AGBL1: variants seen among roughly 807,000 people sequenced by gnomAD.
AGBL1 encodes the protein AGBL carboxypeptidase 1, also known as cytosolic carboxypeptidase 4.
A neutral mutation model predicts 118.9 loss-of-function variants in AGBL1; 130 were observed. That is an observed-to-expected ratio of 1.09 (90% CI 0.95 to 1.26). The LOEUF (loss-of-function observed/expected upper bound fraction) is 1.26, where lower values mean the gene tolerates loss of function less well. Ranked by LOEUF, AGBL1 falls within the 50% of genes most tolerant of loss-of-function variation. The pLI is 0.00. For synonymous variants in AGBL1, 555 were observed against 478.9 expected, an observed-to-expected ratio of 1.16 and a Z score of -2.08; for missense variants, 1,584 against 1,298.1, an observed-to-expected ratio of 1.22 and a Z score of -3.38.
chr15:86,514,564 C>G (rs1417300795), intron 18 of AGBL1, among the ~76,000 whole-genome samples: 4 of 151,952 alleles, frequency 2.6e-5, no homozygotes, highest in Non-Finnish European at 4.4e-5. Context: ...CTCCATGGCT[C>G]TTGTGTTTGA....
At chr15:86,630,740 A>G (rs1413093933) in intron 21 of AGBL1, 1 of 152,206 alleles carries the variant, frequency 6.6e-6, no homozygotes, top group African/African-American at 2.4e-5. Flanking sequence ...CAACATAGCT[A>G]TTTTTTTCCA....
intron 22 of AGBL1, among the ~76,000 whole-genome samples, chr15:86,699,888 A>C (rs2086326363): frequency 6.6e-6 from 1 of 152,066 alleles, no homozygotes; most frequent in Non-Finnish European, 1.5e-5. Flanking sequence ...TTTTAAAATT[A>C]TGCACCTACC....
intron 20 of AGBL1, among the ~76,000 whole-genome samples, chr15:86,552,161 A>G (rs903832888): frequency 1.3e-5 from 2 of 152,204 alleles, no homozygotes; most frequent in African/African-American, 4.8e-5. Flanking sequence ...GTTTCTATGT[A>G]GGTTCAGCAG....
At chr15:86,490,215 T>A (rs570722682) in intron 18 of AGBL1, among the ~76,000 whole-genome samples, 1 of 152,164 alleles carries the variant, frequency 6.6e-6, no homozygotes, top group South Asian at 2.1e-4. Context: ...GAAAGTAACA[T>A]AATTAGGTAT....
chr15:86,564,431 T>G (rs1413106328), intron 21 of AGBL1, among the ~76,000 whole-genome samples: 2 of 152,222 alleles, frequency 1.3e-5, no homozygotes, highest in East Asian at 3.8e-4. Flanking sequence ...TTGAAAATTC[T>G]TTTCTTTAAG....
At chr15:86,188,753 A>T (rs899746167) in intron 5 of AGBL1, among the ~76,000 whole-genome samples, 1 of 152,208 alleles carries the variant, frequency 6.6e-6, no homozygotes, top group African/African-American at 2.4e-5. Context: ...ACAAGATGGT[A>T]CATCTTGATA....
At chr15:86,119,257 C>G (rs1291447619) in intron 1 of AGBL1, among the ~76,000 whole-genome samples, 2 of 152,068 alleles carry the variant, frequency 1.3e-5, no homozygotes, top group Non-Finnish European at 2.9e-5. Flanking sequence ...TCTCATCAGA[C>G]ACTAAAGTGA....
intron 18 of AGBL1, among the ~76,000 whole-genome samples, chr15:86,440,674 T>C (rs977715164): frequency 6.6e-6 from 1 of 152,062 alleles, no homozygotes; most frequent in African/African-American, 2.4e-5. Context: ...GTGAATGATA[T>C]CATTGAAGCT....
At chr15:86,357,909 A>G (rs1051605448) in intron 17 of AGBL1, among the ~76,000 whole-genome samples, 15 of 152,210 alleles carry the variant, frequency 9.9e-5, no homozygotes, top group Admixed American at 5.2e-4. Flanking sequence ...ACAAATAAAA[A>G]TTCTATATAT....
intron 22 of AGBL1, among the ~76,000 whole-genome samples, chr15:86,822,163 G>A (rs2078950955): frequency 6.6e-6 from 1 of 151,772 alleles, no homozygotes; most frequent in Non-Finnish European, 1.5e-5. Context: ...CTCCTTTTTT[G>A]CCCCTGGACT....
chr15:86,715,650 T>C (rs190435535), intron 22 of AGBL1, among the ~76,000 whole-genome samples: 79 of 152,272 alleles, frequency 5.2e-4, no homozygotes, highest in Non-Finnish European at 8.2e-4. Context: ...ATCTGCAAGA[T>C]TGTGTTACTA....
chr15:86,332,274 A>G (rs1421485624), intron 17 of AGBL1, among the ~76,000 whole-genome samples: 1 of 152,164 alleles, frequency 6.6e-6, no homozygotes. Context: ...AACCTATGAA[A>G]AGACTTAGAT....
chr15:86,791,163 A>C (rs539063256), intron 22 of AGBL1, among the ~76,000 whole-genome samples: 20 of 152,348 alleles, frequency 1.3e-4, no homozygotes, highest in African/African-American at 3.8e-4. Context: ...GAATCCTCCC[A>C]GTTAGTTACC....
chr15:86,111,355 G>A (rs561606632), intron 1 of AGBL1, among the ~76,000 whole-genome samples: 1 of 152,226 alleles, frequency 6.6e-6, no homozygotes, highest in African/African-American at 2.4e-5. Context: ...TCTGGTGTAT[G>A]TGTGTCTGTT....
rs1429206623 is a variant in AGBL1, at chr15:86,625,364, C to CCTTTTTTTTTTTTTTTTTTTTTTTTTTT, written c.2995-48909_2995-48908insCTTTTTTTTTTTTTTTTTTTTTTTTTTT. Among the ~76,000 whole-genome samples, 10 of 68,260 alleles carry CCTTTTTTTTTTTTTTTTTTTTTTTTTTT rather than the reference C, an allele frequency of 1.5e-4. 4 individuals carry two copies. The highest frequency in any genetic ancestry group is 1.4e-4 in the Non-Finnish European group (5 of 35,668). The allele number at this position is 68,260 out of a possible 152,430, so 44.8% of individuals were successfully genotyped here. A position where few individuals can be genotyped will look rare whatever the true frequency, so the allele number is the denominator to read the frequency against. On this transcript the variant is annotated intron_variant, in intron 21 of 22. Coordinates refer to ENST00000614907, the MANE Select transcript of AGBL1 (RefSeq NM_001386094.1). ...CAGCCTCCAAGGTAGAAGAAATTAGCGTTTTTTTTTTTTTGTTTTTGTTTT... is the reference window on the plus strand; with the variant it reads ...CAGCCTCCAAGGTAGAAGAAATTAGCCTTTTTTTTTTTTTTTTTTTTTTTTTTTGTTTTTTTTTTTTTGTTTTTGTTTT...
At chr15:86,388,821 A>T (rs1294282122) in intron 17 of AGBL1, among the ~76,000 whole-genome samples, 1 of 152,182 alleles carries the variant, frequency 6.6e-6, no homozygotes, top group Non-Finnish European at 1.5e-5. Flanking sequence ...CCTACTTCAC[A>T]GATTTACTCT....
intron 21 of AGBL1, among the ~76,000 whole-genome samples, chr15:86,590,325 G>A (rs1397830882): frequency 6.6e-6 from 1 of 152,126 alleles, no homozygotes; most frequent in East Asian, 1.9e-4. Context: ...TGAGTCATGG[G>A]GGTGGTTACC....
chr15:86,262,630 A>G (rs1024440399), intron 9 of AGBL1, 148 bp from the exon 10 acceptor site: 18 of 700,056 alleles, frequency 2.6e-5, no homozygotes, highest in Admixed American at 1.8e-4. Flanking sequence ...CCAGCATAAC[A>G]AATTCTTCAC....
At chr15:86,539,586 A>G (rs902917216) in intron 19 of AGBL1, among the ~76,000 whole-genome samples, 2 of 152,328 alleles carry the variant, frequency 1.3e-5, no homozygotes, top group Admixed American at 6.5e-5. Context: ...TAACGATCTG[A>G]CCACTGCCCA....
Sources: gnomAD v4.1 joint callset for allele counts (sites outside exome capture counted in the v4.1 genomes callset) on GRCh38, gnomAD v4.1.1 for gene constraint, MANE v1.5 for transcripts, NCBI Gene and HGNC (gene_info 2026-07-23, HGNC 2026-07-21) for gene names.